The following DYNC1H1 variants were observed in gnomAD, a reference collection of about 807,000 sequenced individuals.
The protein encoded by DYNC1H1 is dynein cytoplasmic 1 heavy chain 1, also known as cytoplasmic dynein 1 heavy chain 1.
DYNC1H1 carries 51 observed loss-of-function variants against 527.1 expected under a neutral mutation model. That is an observed-to-expected ratio of 0.10 (90% CI 0.08 to 0.12). DYNC1H1 has a LOEUF of 0.12. Ranked by LOEUF, DYNC1H1 falls within the 10% of genes least tolerant of loss-of-function variation. The pLI is 1.00. For missense variants in DYNC1H1, 2,771 were observed against 5,971.8 expected, an observed-to-expected ratio of 0.46 and a Z score of 17.66; for synonymous variants, 2,189 against 2,278.8, an observed-to-expected ratio of 0.96 and a Z score of 1.12.
At chr14:102,034,248 A>G in intron 55 of DYNC1H1, 60 bp downstream of exon 55, 1 of 1,614,204 alleles carries the variant, frequency 6.2e-7, no homozygotes, top group Non-Finnish European at 8.5e-7. Context: ...GCTGGTGTTT[A>G]GTGCACAGTT....
intron 43 of DYNC1H1, among the ~76,000 whole-genome samples, chr14:102,024,237 A>C (rs2048422307): frequency 1.3e-5 from 2 of 152,244 alleles, no homozygotes. Flanking sequence ...TGCTAGATGG[A>C]GTTCACCTCT....
Position 102,012,540 on chromosome 14 carries a change from A to C in DYNC1H1, c.7014+70A>C. 6.2e-7 allele frequency: 1 copy of C among 1,604,268 alleles called. No homozygotes were observed. The highest frequency in any genetic ancestry group is 8.5e-7 in the Non-Finnish European group (1 of 1,172,110). On this transcript the variant is annotated intron_variant, in intron 34 of 77. Transcript: ENST00000360184. This position sits in a 1 kb window ranked among gnomAD's most constrained non-coding sequence, Gnocchi z 4.9. ...CCAACTAAACTTCGTGTGCTAGCTA[A>C]GTGCAGCTCTGGAGTCATGGACCCA...
In DYNC1H1 at chr14:102,010,022, A is replaced by T. The variant is rs1395925460; in HGVS notation, c.6157A>T (p.Met2053Leu). Residue 2053 changes from methionine (M) to leucine (L), a missense_variant, in exon 30 of 78, where the codon ATG becomes TTG. This residue lies in a region of DYNC1H1 where 19 missense variants were observed against 90.4 expected (regional missense o/e 0.21). Coordinates refer to ENST00000360184, the MANE Select transcript of DYNC1H1 (RefSeq NM_001376.5). The surrounding 1 kb of genome is among the most constrained non-coding windows in gnomAD (Gnocchi z 6.0). ...CGACCGGCAGTTAATCGCCCAGGTC[A>T]TGCTGTACTCACAGGGTTTCCGCAC... ...KPDRQLIAQV[M>L]LYSQGFRTAE... 1.2e-6 allele frequency: 2 copies of T among 1,613,994 alleles called. No individual in the cohort carries two copies. Among genetic ancestry groups the T allele is most frequent in the African/African-American group, 2.7e-5 (2 of 74,940 alleles).
chr14:102,027,968 A>G lies in DYNC1H1; in HGVS notation c.9295A>G (p.Thr3099Ala), dbSNP rs2152589296. 1 of 1,614,186 alleles carries G rather than the reference A, an allele frequency of 6.2e-7. No individual in the cohort carries two copies. The highest frequency in any genetic ancestry group is 8.5e-7 in the Non-Finnish European group (1 of 1,180,032). Residue 3099 changes from threonine to alanine, a missense_variant, in exon 48 of 78, where the codon ACC becomes GCC. Thr to Ala is a moderately conservative substitution (Grantham distance 58). Transcript: ENST00000360184. The surrounding 1 kb of genome is among the most constrained non-coding windows in gnomAD (Gnocchi z 7.7). ...GTTGAATTGGTTTGGAGACTGGTCC[A>G]CCGAAGCACTGTATCAGGTTGGCAA... is the stretch of plus-strand genomic sequence containing the variant. ...CVLNWFGDWSTEALYQVGKEF... is the reference protein window; with the variant it reads ...CVLNWFGDWSAEALYQVGKEF...
Position 101,983,689 on chromosome 14 carries a change from G to T in DYNC1H1, c.1461+80G>T, listed in dbSNP as rs565003402. On this transcript the variant is annotated intron_variant, in intron 7 of 77. Coordinates refer to ENST00000360184, the MANE Select transcript of DYNC1H1 (RefSeq NM_001376.5). The surrounding 1 kb of genome is among the most constrained non-coding windows in gnomAD (Gnocchi z 5.3). Reference sequence around the variant, plus strand: ...TGTTTGGTGTTTTTTTTTTGTTGTTGTTGTTGAGATGAAGTTTCACTCTTG... The same window carrying T: ...TGTTTGGTGTTTTTTTTTTGTTGTTTTTGTTGAGATGAAGTTTCACTCTTG... 0.014 allele frequency: 20,311 copies of T among 1,473,378 alleles called. 984 individuals are homozygous for T. In the African/African-American group the frequency reaches 0.15, roughly 11 times the overall value. 91.3% of individuals were successfully genotyped at this position (1,473,378 alleles called of 1,614,324 possible).
Position 102,049,549 on chromosome 14 carries a change from G to A in DYNC1H1, c.13482G>A (p.Leu4494=). The A allele has an allele frequency of 6.2e-7, 1 of 1,614,134 alleles. No homozygotes were observed. The highest frequency in any genetic ancestry group is 8.5e-7 in the Non-Finnish European group (1 of 1,180,028). The change falls in exon 75 of 78, where the codon CTG becomes CTA. Residue 4494 remains leucine (L), a synonymous_variant. Transcript: ENST00000360184. The surrounding 1 kb of genome is among the most constrained non-coding windows in gnomAD (Gnocchi z 5.5). ...TCAAACAGCTGCAGAACATCTCACTGGCAGCTGCATCTGGTGGCGCCAAGG... is the reference window on the plus strand; with the variant it reads ...TCAAACAGCTGCAGAACATCTCACTAGCAGCTGCATCTGGTGGCGCCAAGG... ...ERIKQLQNIS[L]AAASGGAKEL...
chr14:102,015,366 T>C lies in DYNC1H1; in HGVS notation c.7242+34T>C. The stretch of plus-strand genomic sequence containing the variant: ...AGGTGGGACCCCACATATCATGACC[T>C]GAGGGTGCTAGGATATTCAGATGTG... On this transcript the variant is annotated intron_variant, in intron 35 of 77. Transcript: ENST00000360184. This position sits in a 1 kb window ranked among gnomAD's most constrained non-coding sequence, Gnocchi z 6.9. 6.3e-7 allele frequency: 1 copy of C among 1,577,720 alleles called. No individual in the cohort carries two copies. The highest frequency in any genetic ancestry group is 1.8e-4 in the Middle Eastern group (1 of 5,438).
rs1244840377 is a variant in DYNC1H1 at position 101,988,809 on chromosome 14, C to T, written c.2825C>T (p.Ala942Val). The T allele has an allele frequency of 6.2e-7, 1 of 1,614,082 alleles. No individual in the cohort carries two copies. The highest frequency in any genetic ancestry group is 2.2e-5 in the East Asian group (1 of 44,894). Residue 942 changes from alanine (A) to valine (V), a missense_variant, in exon 10 of 78, where the codon GCT becomes GTT. Physicochemically the swap from Ala to Val is moderately conservative, Grantham distance 64. Around this residue, in one of 32 missense-constraint regions of DYNC1H1, gnomAD observed 179 missense variants for 349.4 expected, o/e 0.51. Coordinates refer to ENST00000360184, the MANE Select transcript of DYNC1H1 (RefSeq NM_001376.5). ...DKAEVDMDTDAPQVSHKPGGE... is the reference protein window; with the variant it reads ...DKAEVDMDTDVPQVSHKPGGE... ...GCAGAAGTTGACATGGACACAGATG[C>T]TCCACAAGTTAGTCACAAGCCTGGT...
intron 69 of DYNC1H1, chr14:102,043,082 G>C (rs180750454): frequency 2.7e-6 from 1 of 367,030 alleles, no homozygotes; most frequent in Admixed American, 3.8e-5. Flanking sequence ...AGGAGTTCAA[G>C]ACCAGCATGG....
chr14:102,011,226 A>G lies in DYNC1H1; in HGVS notation c.6618+274A>G. Reference sequence around the variant, plus strand: ...CTATATTGGAAAGTTGTTTATACTGATAAAAATTCTGCTTACCAGACTTTC... The same window carrying G: ...CTATATTGGAAAGTTGTTTATACTGGTAAAAATTCTGCTTACCAGACTTTC... On this transcript the variant is annotated intron_variant, in intron 32 of 77. Transcript: ENST00000360184. This position sits in a 1 kb window ranked among gnomAD's most constrained non-coding sequence, Gnocchi z 5.3. 2.1e-6 allele frequency: 1 copy of G among 478,558 alleles called. No homozygotes were observed. 29.6% of individuals were successfully genotyped at this position (478,558 alleles called of 1,614,324 possible). A position where few individuals can be genotyped will look rare whatever the true frequency, so the allele number is the denominator to read the frequency against.
chr14:102,041,749 C>T lies in DYNC1H1; in HGVS notation c.12102+15C>T, dbSNP rs1223174519. On this transcript the variant is annotated intron_variant, in intron 65 of 77. Transcript: ENST00000360184. This position sits in a 1 kb window ranked among gnomAD's most constrained non-coding sequence, Gnocchi z 4.5. ...TGGGCACAGAGGTAATGTCCTGGTA[C>T]AGCCCGGGCTTCCCACGAGACTCCA... 5.6e-6 allele frequency: 9 copies of T among 1,613,774 alleles called. No individual in the cohort carries two copies. Among genetic ancestry groups the T allele is most frequent in the African/African-American group, 2.7e-5 (2 of 74,944 alleles).
intron 23 of DYNC1H1, 150 bp downstream of exon 23, chr14:102,003,115 C>G: frequency 9.2e-7 from 1 of 1,089,856 alleles, no homozygotes; most frequent in Non-Finnish European, 1.3e-6. Context: ...ATTACCATTC[C>G]CTTCCCTGTC....
chr14:101,964,783 A>G lies in DYNC1H1; in HGVS notation c.92A>G (p.Gln31Arg), dbSNP rs1043956265. ...AATGTGGCGGACGTGTCGGTGCTGC[A>G]GAAGCACCTGCGCAAGCTGGTGCCG... ...VQNVADVSVLQKHLRKLVPLL... is the reference protein window; with the variant it reads ...VQNVADVSVLRKHLRKLVPLL... Residue 31 changes from glutamine to arginine, a missense_variant, in exon 1 of 78, where the codon CAG (glutamine) becomes CGG (arginine). This residue lies in a region of DYNC1H1 where 101 missense variants were observed against 105.3 expected (regional missense o/e 0.96). Transcript: ENST00000360184. This position sits in a 1 kb window ranked among gnomAD's most constrained non-coding sequence, Gnocchi z 5.5. 6.9e-6 allele frequency: 11 copies of G among 1,602,030 alleles called. No homozygotes were observed. Among genetic ancestry groups the G allele is most frequent in the Admixed American group, 5.1e-5 (3 of 59,126 alleles).
At chr14:101,973,338 T>G (rs1471425440) in intron 1 of DYNC1H1, among the ~76,000 whole-genome samples, 1 of 152,024 alleles carries the variant, frequency 6.6e-6, no homozygotes, top group Non-Finnish European at 1.5e-5. Context: ...TTTTTAATTT[T>G]TAGTAGGTAT....
rs934937806 is a variant in DYNC1H1, at chr14:102,055,357, CTT to C, written c.*4796_*4797del. 20 of 152,098 alleles carry C rather than the reference CTT, an allele frequency of 1.3e-4. No individual in the cohort carries two copies. Among genetic ancestry groups the C allele is most frequent in the Admixed American group, 1.3e-3 (20 of 15,246 alleles). The allele number at this position is 152,098 out of a possible 1,614,324, so 9.4% of individuals were successfully genotyped here. On this transcript the variant is annotated 3_prime_UTR_variant, in exon 78 of 78. Transcript: ENST00000360184. ...GTGGCTGTGTCTACAAAGGCCTCCT[CTT>C]TGAGGGAGACACGCGAGGCACGGGT...
At position 101,994,861 on chromosome 14, in the gene DYNC1H1, T is replaced by C; in HGVS notation, c.3333+12T>C. ...TAGATTATGGCAAGGTGAGCCCTGC[T>C]GTCTGGTTGAAAGGTGTCACGGGTA... On this transcript the variant is annotated intron_variant, in intron 13 of 77. Transcript: ENST00000360184. 6.2e-7 allele frequency: 1 copy of C among 1,614,246 alleles called. No individual in the cohort carries two copies. Among genetic ancestry groups the C allele is most frequent in the Non-Finnish European group, 8.5e-7 (1 of 1,180,052 alleles).
intron 73 of DYNC1H1, 58 bp downstream of exon 73, chr14:102,048,086 C>A: frequency 6.4e-7 from 1 of 1,552,178 alleles, no homozygotes; most frequent in South Asian, 1.2e-5. Context: ...TGGGTATGGT[C>A]ATGGACCATT....
Position 102,018,291 on chromosome 14 carries a change from C to T in DYNC1H1, c.8178-160C>T, listed in dbSNP as rs565925807. On this transcript the variant is annotated intron_variant, in intron 40 of 77. Transcript: ENST00000360184. This position sits in a 1 kb window ranked among gnomAD's most constrained non-coding sequence, Gnocchi z 5.2. ...TGTGTCAGACCCCAAGCCTGAGCAGCGTGTGTGTGATCTCAGCTAACACTG... is the reference window on the plus strand; with the variant it reads ...TGTGTCAGACCCCAAGCCTGAGCAGTGTGTGTGTGATCTCAGCTAACACTG... 2.9e-3 allele frequency among the ~76,000 whole-genome samples: 439 copies of T among 152,240 alleles called. 1 individual carries two copies. The highest frequency in any genetic ancestry group is 3.3e-3 in the Non-Finnish European group (227 of 68,018).
rs138644560 is a variant in DYNC1H1 at position 102,047,587 on chromosome 14, GTATA to G, written c.13007-221_13007-218del. On this transcript the variant is annotated intron_variant, in intron 72 of 77. Coordinates refer to ENST00000360184, the MANE Select transcript of DYNC1H1 (RefSeq NM_001376.5). ...CACATATATATATACATACACATAC[GTATA>G]TATATATACACATATATGTATATAT... is the stretch of plus-strand genomic sequence containing the variant. 6 of 323,576 alleles carry G rather than the reference GTATA, an allele frequency of 1.9e-5. 1 individual carries two copies. Among genetic ancestry groups the G allele is most frequent in the South Asian group, 1.1e-4 (3 of 27,926 alleles). 20.0% of individuals were successfully genotyped at this position (323,576 alleles called of 1,614,324 possible).
Sources: allele counts gnomAD v4.1 joint callset (sites outside exome capture counted in the v4.1 genomes callset), GRCh38; gene constraint gnomAD v4.1.1; regional missense constraint gnomAD v4.1.1; non-coding constraint Gnocchi (gnomAD v3.1); transcripts MANE v1.5; gene names NCBI Gene and HGNC (gene_info 2026-07-23, HGNC 2026-07-21).